The following MPP7 variants were observed in gnomAD, a reference collection of about 807,000 sequenced individuals.
MPP7 encodes the protein MAGUK p55 scaffold protein 7.
In MPP7, 60 loss-of-function variants were observed where a neutral mutation model predicts 76.5. That is an observed-to-expected ratio of 0.78 (90% confidence interval 0.64 to 0.97). The LOEUF is 0.97. MPP7 is among the 50% of genes least tolerant of loss of function. The pLI, the probability that MPP7 is intolerant of heterozygous loss-of-function variation, is 0.00. For missense variants in MPP7, 641 were observed against 694.0 expected (o/e 0.92, Z 0.86); for synonymous variants, 237 against 244.5 (o/e 0.97, Z 0.29).
At chr10:28,138,924 T>C (rs1276661976) in intron 5 of MPP7, among the ~76,000 whole-genome samples, 1 of 152,222 alleles carries the variant, frequency 6.6e-6, no homozygotes, top group Non-Finnish European at 1.5e-5. Flanking sequence ...CACAGTGCTA[T>C]GTGCTAGAAA....
chr10:28,213,929 C>A (rs1402176211), intron 2 of MPP7, among the ~76,000 whole-genome samples: 2 of 151,834 alleles, frequency 1.3e-5, no homozygotes, highest in South Asian at 2.1e-4. Context: ...TGAAAGCTTG[C>A]ATTCTCTTTG....
At chr10:28,231,547 C>CAAAAAAAAAAAAAAAAAAAAA (rs774583565) in intron 2 of MPP7, among the ~76,000 whole-genome samples, 1 of 129,880 alleles carries the variant, frequency 7.7e-6, no homozygotes. Context: ...ACATCAGGAC[C>CAAAAAAAAAAAAAAAAAAAAA]AAAAAAAAAA....
chr10:28,107,269 G>A (rs930789739), intron 11 of MPP7, among the ~76,000 whole-genome samples: 1 of 152,044 alleles, frequency 6.6e-6, no homozygotes, highest in East Asian at 1.9e-4. Context: ...GGCCTCTCTT[G>A]TGGGACTGGG....
Position 28,140,418 on chromosome 10 carries a change from G to A in MPP7, c.315+7065C>T, listed in dbSNP as rs532767723. On this transcript the variant is annotated intron_variant, in intron 5 of 16. Coordinates refer to ENST00000683449, the MANE Select transcript of MPP7 (RefSeq NM_001318170.2). ...CCCAGCTACTTGGGAGGCTGAGGCA[G>A]GAGAATTGCTTGAACCCGAGAGGCT... Among the ~76,000 whole-genome samples the A allele has an allele frequency of 4.6e-5, 7 of 152,260 alleles. No individual in the cohort carries two copies. The East Asian group carries it at 1.4e-3, about 29-fold the overall frequency.
intron 3 of MPP7, among the ~76,000 whole-genome samples, chr10:28,191,358 C>T (rs1419861424): frequency 2.0e-5 from 3 of 152,110 alleles, no homozygotes; most frequent in African/African-American, 7.2e-5. Context: ...TACAGCCTAA[C>T]CGTACTTACA....
At chr10:28,176,454 G>C (rs1182220978) in intron 3 of MPP7, among the ~76,000 whole-genome samples, 2 of 152,120 alleles carry the variant, frequency 1.3e-5, no homozygotes, top group Non-Finnish European at 2.9e-5. Flanking sequence ...AATTGCACTG[G>C]CTGGGCATGG....
At position 28,053,826 on chromosome 10, in the gene MPP7, GAGA is replaced by G. The variant is rs1426594598; in HGVS notation, c.*236_*238del. On this transcript the variant is annotated 3_prime_UTR_variant, in exon 17 of 17. Coordinates refer to ENST00000683449, the MANE Select transcript of MPP7 (RefSeq NM_001318170.2). ...GAGATAGAGCGGTATTGAAGACAAC[GAGA>G]AGGTTTGAGGTTTTGCTTAGAATAC... 2.3e-5 allele frequency: 11 copies of G among 487,016 alleles called. 1 individual carries two copies. The highest frequency in any genetic ancestry group is 2.0e-4 in the South Asian group (7 of 35,142). The allele number at this position is 487,016 out of a possible 1,614,324, so 30.2% of individuals were successfully genotyped here.
At chr10:28,248,920 T>C (rs1241251949) in intron 1 of MPP7, among the ~76,000 whole-genome samples, 1 of 152,116 alleles carries the variant, frequency 6.6e-6, no homozygotes, top group Admixed American at 6.6e-5. Flanking sequence ...TAACAACAAA[T>C]TTCTCAGAAC....
intron 1 of MPP7, among the ~76,000 whole-genome samples, chr10:28,301,181 G>A (rs1292466365): frequency 6.6e-6 from 1 of 152,128 alleles, no homozygotes. Context: ...TAAATTTACA[G>A]TAAACACTTC....
intron 12 of MPP7, among the ~76,000 whole-genome samples, chr10:28,082,021 T>TG (rs1852786973): frequency 6.6e-6 from 1 of 152,336 alleles, no homozygotes; most frequent in African/African-American, 2.4e-5. Flanking sequence ...CAAAAAGTGC[T>TG]GGGATTACAG....
intron 12 of MPP7, among the ~76,000 whole-genome samples, chr10:28,087,812 G>C (rs1216975416): frequency 6.6e-6 from 1 of 152,174 alleles, no homozygotes; most frequent in African/African-American, 2.4e-5. Flanking sequence ...GGGACAGTGA[G>C]GTGGGAGAGG....
At chr10:28,108,281 A>C (rs901578416) in intron 11 of MPP7, among the ~76,000 whole-genome samples, 5 of 152,290 alleles carry the variant, frequency 3.3e-5, no homozygotes, top group Admixed American at 6.5e-5. Flanking sequence ...GCTCTGGTGC[A>C]TTTCTTCAAT....
intron 1 of MPP7, among the ~76,000 whole-genome samples, chr10:28,242,967 G>A (rs1564728161): frequency 6.6e-6 from 1 of 152,102 alleles, no homozygotes; most frequent in African/African-American, 2.4e-5. Flanking sequence ...GTGAATAAGG[G>A]GAAGCACACA....
chr10:28,067,107 T>C (rs1852021142), intron 13 of MPP7, among the ~76,000 whole-genome samples: 1 of 152,198 alleles, frequency 6.6e-6, no homozygotes, highest in Admixed American at 6.5e-5. Flanking sequence ...TCAGCTTTAG[T>C]GGATACTGCT....
At chr10:28,180,900 T>C (rs960515917) in intron 3 of MPP7, among the ~76,000 whole-genome samples, 2 of 152,202 alleles carry the variant, frequency 1.3e-5, no homozygotes, top group African/African-American at 4.8e-5. Flanking sequence ...AAACAAGTCA[T>C]GTGGCCATAA....
intron 11 of MPP7, chr10:28,118,366 G>T (rs1834723939): frequency 2.0e-6 from 2 of 977,260 alleles, no homozygotes; most frequent in African/African-American, 3.5e-5. Context: ...TTTCTAAGTT[G>T]CCTAGGACTG....
intron 12 of MPP7, among the ~76,000 whole-genome samples, chr10:28,082,433 C>T (rs1474405619): frequency 6.6e-6 from 1 of 151,544 alleles, no homozygotes; most frequent in African/African-American, 2.4e-5. Flanking sequence ...CTCTCCTTCT[C>T]CTCCTTCCTC....
chr10:28,225,315 T>C (rs1275238278), intron 2 of MPP7, among the ~76,000 whole-genome samples: 1 of 151,868 alleles, frequency 6.6e-6, no homozygotes, highest in Non-Finnish European at 1.5e-5. Flanking sequence ...TAAGAAAAAA[T>C]TGATAAACTG....
At chr10:28,161,417 A>C (rs1257826629) in intron 3 of MPP7, among the ~76,000 whole-genome samples, 1 of 151,442 alleles carries the variant, frequency 6.6e-6, no homozygotes, top group Non-Finnish European at 1.5e-5. Context: ...AGTTATCTAA[A>C]ATGTTTTTCT....
Sources: allele counts gnomAD v4.1 joint callset (sites outside exome capture counted in the v4.1 genomes callset), GRCh38; gene constraint gnomAD v4.1.1; transcripts MANE v1.5; gene names NCBI Gene and HGNC (gene_info 2026-07-23, HGNC 2026-07-21).